VWF: variants seen among roughly 807,000 people sequenced by gnomAD.
The protein encoded by VWF is von Willebrand factor, also known as Factor VIII related antigen.
Under a neutral mutation model 308.6 loss-of-function variants are expected in VWF, and 176 were observed. The ratio of observed to expected loss-of-function variants is 0.57; its 90% confidence interval spans 0.50 to 0.65. VWF has a LOEUF of 0.65. Among genes scored for constraint, VWF ranks in the 30% least tolerant of loss-of-function variants. The probability of loss-of-function intolerance (pLI) is 0.00; values close to 1 mark genes in which losing one functional copy is unlikely to be tolerated. For missense variants in VWF, 3,146 were observed against 3,648.2 expected, an observed-to-expected ratio of 0.86 and a Z score of 3.55; for synonymous variants, 1,385 against 1,443.4, an observed-to-expected ratio of 0.96 and a Z score of 0.92.
intron 3 of VWF, among the ~76,000 whole-genome samples, chr12:6,111,504 C>G (rs1042130734): frequency 6.6e-6 from 1 of 152,160 alleles, no homozygotes; most frequent in African/African-American, 2.4e-5. Context: ...TCCAGGGTAA[C>G]TGGGATCACA....
intron 13 of VWF, among the ~76,000 whole-genome samples, chr12:6,062,246 C>T (rs560482120): frequency 6.6e-6 from 1 of 152,106 alleles, no homozygotes. Flanking sequence ...AACTAATCCT[C>T]GCTCTGCCAT....
intron 8 of VWF, among the ~76,000 whole-genome samples, chr12:6,072,930 G>C (rs965157559): frequency 6.6e-6 from 1 of 151,126 alleles, no homozygotes; most frequent in African/African-American, 2.4e-5. Context: ...GCAGTGGTGC[G>C]ATCTCGGTTC....
Position 6,029,455 on chromosome 12 carries a change from G to A in VWF, c.2854C>T (p.His952Tyr). ...NVKRPMKDET[H>Y]FEVVESGRYI... The stretch of plus-strand genomic sequence containing the variant: ...CGGCCAGACTCCACCACCTCAAAGT[G>A]AGTCTCATCCTTCATGGGCCTCTTC... Residue 952 changes from histidine to tyrosine, a missense_variant, in exon 22 of 52, where the codon CAC (histidine) becomes TAC (tyrosine). His to Tyr is a moderately conservative substitution (Grantham distance 83). Around this residue, in one of 3 missense-constraint regions of VWF, gnomAD observed 1,304 missense variants for 1,353.0 expected, o/e 0.96. Coordinates refer to ENST00000261405, the MANE Select transcript of VWF (RefSeq NM_000552.5). 2 of 1,614,164 alleles carry A rather than the reference G, an allele frequency of 1.2e-6. No individual in the cohort carries two copies. Among genetic ancestry groups the A allele is most frequent in the Non-Finnish European group, 1.7e-6 (2 of 1,180,028 alleles).
chr12:6,079,647 G>A (rs76678685), intron 6 of VWF, among the ~76,000 whole-genome samples: 4 of 151,974 alleles, frequency 2.6e-5, no homozygotes, highest in East Asian at 1.9e-4. Flanking sequence ...AGGAGTTGGC[G>A]TCTTGTACTC....
intron 44 of VWF, 53 bp from the exon 45 acceptor site, chr12:5,969,444 G>A: frequency 6.2e-7 from 1 of 1,607,454 alleles, no homozygotes; most frequent in Non-Finnish European, 8.5e-7. Context: ...GGAGCCCAGG[G>A]TCCCATTGGG....
intron 18 of VWF, among the ~76,000 whole-genome samples, chr12:6,039,265 G>A (rs143393650): frequency 8.5e-5 from 13 of 152,312 alleles, no homozygotes; most frequent in Admixed American, 3.3e-4. Flanking sequence ...TCTTCAGTCC[G>A]AAAGGGGTCA....
chr12:5,999,503 C>A lies in VWF; in HGVS notation c.5843-3281G>T, dbSNP rs201489186. Among the ~76,000 whole-genome samples the A allele has an allele frequency of 2.9e-3, 432 of 149,406 alleles. 2 individuals carry two copies. The highest frequency in any genetic ancestry group is 9.3e-3 in the African/African-American group (376 of 40,340). ...ACACACACACACACACACACACACA[C>A]CACTAAGGAAATGACTTTTCTATAC... is the stretch of plus-strand genomic sequence containing the variant. On this transcript the variant is annotated intron_variant, in intron 34 of 51. Transcript: ENST00000261405.
intron 16 of VWF, among the ~76,000 whole-genome samples, chr12:6,049,374 C>T (rs1268461322): frequency 2.0e-5 from 3 of 152,134 alleles, no homozygotes; most frequent in African/African-American, 7.2e-5. Flanking sequence ...CTAAAAAGAG[C>T]CCAAAGCCAG....
chr12:6,093,891 A>G (rs1458625582), intron 6 of VWF, among the ~76,000 whole-genome samples: 1 of 152,200 alleles, frequency 6.6e-6, no homozygotes, highest in Non-Finnish European at 1.5e-5. Flanking sequence ...GAGTGAGATC[A>G]TGAATGGCAA....
intron 6 of VWF, among the ~76,000 whole-genome samples, chr12:6,076,508 ATATATAT>A (rs1465296833): frequency 1.5e-3 from 224 of 152,320 alleles, no homozygotes; most frequent in African/African-American, 5.0e-3. Flanking sequence ...AGAGTCATGG[ATATATAT>A]GATCCCCATG....
rs1481081229 is a variant in VWF, at chr12:5,949,157, A to T, written c.8300T>A (p.Val2767Glu). Residue 2767 changes from valine (V) to glutamate (E), a missense_variant, in exon 52 of 52, where the codon GTG (valine) becomes GAG (glutamate). Physicochemically the swap from Val to Glu is moderately radical, Grantham distance 121 (BLOSUM62 -2). This residue lies in a region of VWF where 989 missense variants were observed against 1,117.4 expected (regional missense o/e 0.89). Transcript: ENST00000261405. The stretch of plus-strand genomic sequence containing the variant: ...AGAGCAGCAGGAGCACTGGTCCTGC[A>T]CATCGTTGATGTCAATGGAGTACAT... ...KAMYSIDIND[V>E]QDQCSCCSPT... is the part of the protein sequence containing the mutation. 9.9e-6 allele frequency: 16 copies of T among 1,614,264 alleles called. No homozygotes were observed. The East Asian group carries it at 3.6e-4, about 36-fold the overall frequency.
At chr12:5,996,750 CAAAAAAA>C (rs61616182) in intron 34 of VWF, among the ~76,000 whole-genome samples, 1,537 of 60,478 alleles carry the variant, frequency 0.025, 16 homozygotes, top group Non-Finnish European at 0.043. Flanking sequence ...TTTCCAGAGC[CAAAAAAA>C]AAAAAAAAAA....
In VWF at chr12:5,993,990, G is replaced by C. The variant is rs1276458189; in HGVS notation, c.6470C>G (p.Ala2157Gly). 1.2e-6 allele frequency: 2 copies of C among 1,614,044 alleles called. No individual in the cohort carries two copies. Among genetic ancestry groups the C allele is most frequent in the African/African-American group, 2.7e-5 (2 of 74,912 alleles). Residue 2157 changes from alanine to glycine, a missense_variant, in exon 37 of 52, where the codon GCC (alanine) becomes GGC (glycine). Ala to Gly is a moderately conservative substitution (Grantham distance 60, BLOSUM62 0). Transcript: ENST00000261405. ...CTGCTGGCAGATGGCATAGAATGTG[G>C]CTGGAGCCAGGACCTTGTGGCATTC... ...FAECHKVLAP[A>G]TFYAICQQDS... is the part of the protein sequence containing the mutation.
rs562403144 is a variant in VWF, at chr12:6,117,979, A to T, written c.220+3195T>A. Among the ~76,000 whole-genome samples the T allele has an allele frequency of 3.3e-5, 5 of 152,148 alleles. 1 individual carries two copies. Among genetic ancestry groups the T allele is most frequent in the African/African-American group, 1.2e-4 (5 of 41,494 alleles). On this transcript the variant is annotated intron_variant, in intron 3 of 51. Transcript: ENST00000261405. Reference sequence around the variant, plus strand: ...GGGCAGAGCCACCCAGTTCTGTGGGACGGAAACCGACCAGTGAGCACGAGT... The same window carrying T: ...GGGCAGAGCCACCCAGTTCTGTGGGTCGGAAACCGACCAGTGAGCACGAGT...
chr12:5,992,077 A>G, intron 37 of VWF, 59 bp from the exon 38 acceptor site: 1 of 1,510,172 alleles, frequency 6.6e-7, no homozygotes, highest in Non-Finnish European at 9.2e-7. Context: ...TGAAATGGGC[A>G]CAGCTGATTC....
chr12:6,086,751 G>A (rs1944977128), intron 6 of VWF, among the ~76,000 whole-genome samples: 1 of 152,222 alleles, frequency 6.6e-6, no homozygotes, highest in Admixed American at 6.5e-5. Flanking sequence ...ATAGCAGAAA[G>A]GGCTGGTAGG....
At chr12:6,047,347 C>A (rs1453625078) in intron 16 of VWF, among the ~76,000 whole-genome samples, 2 of 152,186 alleles carry the variant, frequency 1.3e-5, no homozygotes, top group Non-Finnish European at 2.9e-5. Context: ...GAGTCTCAAA[C>A]ACACCTCAAA....
chr12:6,077,155 T>A (rs1008889356), intron 6 of VWF, among the ~76,000 whole-genome samples: 2 of 152,130 alleles, frequency 1.3e-5, no homozygotes, highest in African/African-American at 4.8e-5. Context: ...ACTGAAAATA[T>A]AAAACTTAGT....
At chr12:5,991,167 TCACACACACACACACACA>T (rs201361783) in intron 38 of VWF, among the ~76,000 whole-genome samples, 2 of 134,886 alleles carry the variant, frequency 1.5e-5, no homozygotes, top group African/African-American at 5.4e-5. Flanking sequence ...CAAGGGATTC[TCACACACACACACACACA>T]CACACACACA....
Sources: gnomAD v4.1 joint callset for allele counts (sites outside exome capture counted in the v4.1 genomes callset) on GRCh38, gnomAD v4.1.1 for gene constraint, gnomAD v4.1.1 regional missense constraint, MANE v1.5 for transcripts, NCBI Gene and HGNC (gene_info 2026-07-23, HGNC 2026-07-21) for gene names.